Variants in MACROD2 observed in about 807,000 individuals in gnomAD.
The protein encoded by MACROD2 is ADP-ribose glycohydrolase MACROD2.
In MACROD2, 36 loss-of-function variants were observed where a neutral mutation model predicts 70.4. That is an observed-to-expected ratio of 0.51 (90% CI 0.39 to 0.68). The LOEUF is 0.68. MACROD2 is among the 30% of genes least tolerant of loss of function. The pLI is 0.00. For synonymous variants in MACROD2, 172 were observed against 178.8 expected (o/e 0.96, Z 0.30); for missense variants, 496 against 538.4 (o/e 0.92, Z 0.78).
intron 5 of MACROD2, among the ~76,000 whole-genome samples, chr20:14,810,795 T>C (rs966485982): frequency 3.3e-5 from 5 of 151,878 alleles, no homozygotes; most frequent in Admixed American, 6.6e-5. Context: ...ACACCAATAG[T>C]AGACAAACAG....
intron 3 of MACROD2, among the ~76,000 whole-genome samples, chr20:14,289,899 A>G (rs894556060): frequency 7.2e-5 from 11 of 152,318 alleles, no homozygotes; most frequent in Middle Eastern, 3.4e-3. Flanking sequence ...TTTGACCTAA[A>G]CAAATAATAA....
intron 8 of MACROD2, among the ~76,000 whole-genome samples, chr20:15,523,545 A>G (rs1233778): frequency 0.48 from 72,280 of 151,850 alleles, 19,982 homozygotes; most frequent in African/African-American, 0.77. Context: ...AAGAAGCTGC[A>G]CACACATGGT....
At chr20:15,207,439 T>G (rs1275137571) in intron 5 of MACROD2, among the ~76,000 whole-genome samples, 1 of 131,234 alleles carries the variant, frequency 7.6e-6, no homozygotes, top group Admixed American at 7.7e-5. Context: ...GTTTCTGGTT[T>G]TTTTTTTTTT....
chr20:16,032,335 A>T (rs2067162307), intron 15 of MACROD2, among the ~76,000 whole-genome samples: 1 of 152,032 alleles, frequency 6.6e-6, no homozygotes, highest in Non-Finnish European at 1.5e-5. Context: ...CGTACTCCAA[A>T]CTTCAGCGTC....
intron 3 of MACROD2, among the ~76,000 whole-genome samples, chr20:14,118,780 C>A (rs11087073): frequency 6.7e-6 from 1 of 150,342 alleles, no homozygotes; most frequent in South Asian, 2.1e-4. Flanking sequence ...TTTCATATTT[C>A]TTCCATTAGT....
At chr20:15,326,523 A>G (rs1568723707) in intron 6 of MACROD2, among the ~76,000 whole-genome samples, 1 of 152,084 alleles carries the variant, frequency 6.6e-6, no homozygotes, top group Admixed American at 6.6e-5. Context: ...ACAAGTCCCC[A>G]TATATTCTTA....
At chr20:14,524,657 G>A (rs567417753) in intron 4 of MACROD2, among the ~76,000 whole-genome samples, 3 of 152,120 alleles carry the variant, frequency 2.0e-5, no homozygotes, top group Non-Finnish European at 4.4e-5. Flanking sequence ...CCCTGCCTGC[G>A]TTAGCCTTGG....
At chr20:15,257,251 TAATA>T (rs1758390130) in intron 6 of MACROD2, among the ~76,000 whole-genome samples, 1 of 152,012 alleles carries the variant, frequency 6.6e-6, no homozygotes, top group African/African-American at 2.4e-5. Context: ...AAATGAATGT[TAATA>T]AATCCTATTT....
rs62202851 is a variant in MACROD2, at chr20:15,153,206, C to G, written c.419-76734C>G. Among the ~76,000 whole-genome samples, 11 of 151,848 alleles carry G rather than the reference C, an allele frequency of 7.2e-5. 1 individual carries two copies. Among genetic ancestry groups the G allele is most frequent in the African/African-American group, 1.2e-4 (5 of 41,246 alleles). ...AACAGGCTTTGTGTGAGCAACGAGG[C>G]TATTTATTTCACCTGGGTGCAGGCG... On this transcript the variant is annotated intron_variant, in intron 5 of 17. Transcript: ENST00000684519.
chr20:16,024,619 C>G (rs2067052670), intron 15 of MACROD2, among the ~76,000 whole-genome samples: 1 of 152,142 alleles, frequency 6.6e-6, no homozygotes, highest in Non-Finnish European at 1.5e-5. Flanking sequence ...CTTTCTTTCT[C>G]TCAGGTCTAC....
At chr20:15,232,155 A>G (rs912778552) in intron 6 of MACROD2, among the ~76,000 whole-genome samples, 9 of 151,972 alleles carry the variant, frequency 5.9e-5, no homozygotes, top group Non-Finnish European at 1.3e-4. Context: ...CTTGATCACC[A>G]TTAAATAAAT....
intron 5 of MACROD2, among the ~76,000 whole-genome samples, chr20:14,722,868 G>T (rs930404662): frequency 1.3e-5 from 2 of 152,296 alleles, no homozygotes; most frequent in South Asian, 4.1e-4. Context: ...TTCTGCCAAA[G>T]ATAGATAATG....
chr20:14,868,509 A>C (rs1240991753), intron 5 of MACROD2, among the ~76,000 whole-genome samples: 2 of 152,026 alleles, frequency 1.3e-5, no homozygotes, highest in African/African-American at 2.4e-5. Flanking sequence ...ACTATTGGCC[A>C]CTACAATAAG....
At chr20:15,948,067 GA>G (rs1194486115) in intron 12 of MACROD2, among the ~76,000 whole-genome samples, 2 of 152,104 alleles carry the variant, frequency 1.3e-5, no homozygotes, top group African/African-American at 4.8e-5. Context: ...TTCCTGTTGA[GA>G]GGGGGGACTG....
At chr20:15,172,738 CTT>C (rs1207724968) in intron 5 of MACROD2, among the ~76,000 whole-genome samples, 1 of 152,144 alleles carries the variant, frequency 6.6e-6, no homozygotes, top group African/African-American at 2.4e-5. Context: ...GAGTGCCTCT[CTT>C]GAAAAAGATC....
chr20:14,862,627 ATAAATATATATATAAATATATATATAT>A, intron 5 of MACROD2, among the ~76,000 whole-genome samples: 1 of 12,548 alleles, frequency 8.0e-5, no homozygotes, highest in Non-Finnish European at 1.6e-4. Context: ...ATATATATAT[ATAAATATATATATAAATATATATATAT>A]AAATATATAT....
At chr20:14,696,037 C>T (rs1306981207) in intron 5 of MACROD2, among the ~76,000 whole-genome samples, 2 of 152,152 alleles carry the variant, frequency 1.3e-5, no homozygotes, top group African/African-American at 2.4e-5. Context: ...GTGTCAGAGA[C>T]AGGCCTAAAT....
At chr20:15,647,066 T>C (rs2049559094) in intron 8 of MACROD2, among the ~76,000 whole-genome samples, 1 of 152,230 alleles carries the variant, frequency 6.6e-6, no homozygotes, top group African/African-American at 2.4e-5. Flanking sequence ...CCATTACTTT[T>C]TCCACCATAA....
intron 5 of MACROD2, among the ~76,000 whole-genome samples, chr20:15,048,142 G>A (rs2075410238): frequency 7.9e-6 from 1 of 125,940 alleles, no homozygotes; most frequent in Non-Finnish European, 1.9e-5. Flanking sequence ...CAGGTGTGGT[G>A]GTGGGTGCCT....
Sources: allele counts gnomAD v4.1 joint callset (sites outside exome capture counted in the v4.1 genomes callset), GRCh38; gene constraint gnomAD v4.1.1; transcripts MANE v1.5; gene names NCBI Gene and HGNC (gene_info 2026-07-23, HGNC 2026-07-21).